The following CD99 variants were observed in gnomAD, a reference collection of about 807,000 sequenced individuals.
CD99 encodes CD99 antigen.
CD99 carries 19 observed loss-of-function variants against 28.4 expected under a neutral mutation model. The ratio of observed to expected loss-of-function variants is 0.67; its 90% CI spans 0.47 to 0.98. The LOEUF (loss-of-function observed/expected upper bound fraction) is 0.98, where lower values mean the gene tolerates loss of function less well. Among genes scored for constraint, CD99 ranks in the 50% least tolerant of loss-of-function variants. The probability of loss-of-function intolerance (pLI) is 0.00; values close to 1 mark genes in which losing one functional copy is unlikely to be tolerated. For synonymous variants in CD99, 103 were observed against 92.1 expected (o/e 1.12, Z -0.67); for missense variants, 283 against 248.8 (o/e 1.14, Z -0.92).
intron 7 of CD99, 135 bp from the exon 8 acceptor site, chrX:2,726,125 G>C: frequency 1.6e-6 from 1 of 624,896 alleles, no homozygotes; most frequent in Non-Finnish European, 2.9e-6. Context: ...TTTGCAAATC[G>C]GTCAGCTCAG....
At chrX:2,730,929 CAAAA>C (rs4034603) in intron 8 of CD99, among the ~76,000 whole-genome samples, 3 of 106,194 alleles carry the variant, frequency 2.8e-5, no homozygotes, top group South Asian at 3.1e-4. Flanking sequence ...GACTCTGTCT[CAAAA>C]AAAAAAAAAA....
At chrX:2,700,505 C>T (rs1008338116) in intron 1 of CD99, among the ~76,000 whole-genome samples, 10 of 151,794 alleles carry the variant, frequency 6.6e-5, no homozygotes, top group Admixed American at 2.0e-4. Flanking sequence ...TTCATTTACC[C>T]ATCCATCCAT....
chrX:2,713,157 C>T (rs1300565563), intron 1 of CD99, among the ~76,000 whole-genome samples: 16 of 151,818 alleles, frequency 1.1e-4, no homozygotes, highest in Non-Finnish European at 1.0e-4. Context: ...CATATACATG[C>T]ACCTACACAC....
intron 1 of CD99, among the ~76,000 whole-genome samples, chrX:2,692,510 C>T (rs926802278): frequency 1.3e-5 from 2 of 152,186 alleles, no homozygotes; most frequent in African/African-American, 2.4e-5. Flanking sequence ...GATTTACACC[C>T]TCTTTAAAGG....
chrX:2,693,206 G>A (rs1240454065), intron 1 of CD99, among the ~76,000 whole-genome samples: 3 of 151,750 alleles, frequency 2.0e-5, no homozygotes, highest in Admixed American at 6.6e-5. Context: ...GTAGTGGCAC[G>A]ATGTCGGCTC....
chrX:2,699,754 G>A (rs990674662), intron 1 of CD99, among the ~76,000 whole-genome samples: 26 of 152,108 alleles, frequency 1.7e-4, no homozygotes, highest in African/African-American at 5.3e-4. Context: ...ACTGCATCCC[G>A]CTATTAGGAA....
chrX:2,707,350 A>AAAAGG (rs1358838839), intron 1 of CD99, among the ~76,000 whole-genome samples: 1 of 137,478 alleles, frequency 7.3e-6, no homozygotes, highest in Non-Finnish European at 1.7e-5. Flanking sequence ...AAAAGAAAAG[A>AAAAGG]AAAAAACAGC....
At chrX:2,700,840 CCTAT>C (rs1242347198) in intron 1 of CD99, among the ~76,000 whole-genome samples, 1 of 151,516 alleles carries the variant, frequency 6.6e-6, no homozygotes, top group Non-Finnish European at 1.5e-5. Context: ...CATCCATCCA[CCTAT>C]CTGTTCATCC....
chrX:2,737,560 T>A (rs1443696900), intron 8 of CD99, among the ~76,000 whole-genome samples: 7 of 151,088 alleles, frequency 4.6e-5, no homozygotes, highest in African/African-American at 7.3e-5. Context: ...AATAGTGTGA[T>A]CTCGGCTCAC....
intron 2 of CD99, chrX:2,715,298 G>T: frequency 6.6e-6 from 1 of 152,366 alleles, no homozygotes; most frequent in Non-Finnish European, 1.5e-5. Context: ...TTAAACCACA[G>T]GGATTTATCA....
At chrX:2,709,663 T>C (rs311059) in intron 1 of CD99, among the ~76,000 whole-genome samples, 95,313 of 152,154 alleles carry the variant, frequency 0.63, 30,859 homozygotes, top group Non-Finnish European at 0.72. Context: ...AATACACATG[T>C]ACACATGAGC....
At chrX:2,723,181 C>G (rs771803315) in intron 6 of CD99, 133 bp from the exon 7 acceptor site, 24 of 903,920 alleles carry the variant, frequency 2.7e-5, no homozygotes, top group African/African-American at 2.1e-4. Flanking sequence ...AGGCAGGACC[C>G]CAGCTCTGTA....
rs1308117922 is a variant in CD99 at position 2,714,620 on chromosome X, C to T, written c.100+166C>T. 3.1e-5 allele frequency: 18 copies of T among 576,416 alleles called. No individual in the cohort carries two copies. In the Middle Eastern group the frequency reaches 8.5e-4, roughly 27 times the overall value. The allele number at this position is 576,416 out of a possible 1,614,324, so 35.7% of individuals were successfully genotyped here. On this transcript the variant is annotated intron_variant, in intron 2 of 9. Transcript: ENST00000381192. ...ATATAAATGTTATGTTTACTCTCAA[C>T]TGTAGTCTATTAAGTATGCAATAGC...
chrX:2,721,569 T>G (rs1031069308), intron 5 of CD99, among the ~76,000 whole-genome samples: 10 of 152,164 alleles, frequency 6.6e-5, no homozygotes, highest in Admixed American at 2.0e-4. Flanking sequence ...TCTCTGAGAT[T>G]ACAGGCACGA....
chrX:2,741,039 G>C lies in CD99; in HGVS notation c.*235G>C, dbSNP rs376690610. 2.7e-5 allele frequency: 15 copies of C among 563,790 alleles called. No individual in the cohort carries two copies. Among genetic ancestry groups the C allele is most frequent in the African/African-American group, 1.3e-4 (7 of 52,806 alleles). 34.9% of individuals were successfully genotyped at this position (563,790 alleles called of 1,614,324 possible). ...CTTGGACCCCCATTCTCCAAGGCCC[G>C]GGGGGGCGGTTTCCCATGGGATGTG... On this transcript the variant is annotated 3_prime_UTR_variant, in exon 10 of 10. Coordinates refer to ENST00000381192, the MANE Select transcript of CD99 (RefSeq NM_002414.5).
At chrX:2,698,307 C>G (rs1159630782) in intron 1 of CD99, among the ~76,000 whole-genome samples, 2 of 151,798 alleles carry the variant, frequency 1.3e-5, no homozygotes, top group Admixed American at 1.3e-4. Context: ...GGAGCTGGGA[C>G]CACAGGCATG....
intron 8 of CD99, among the ~76,000 whole-genome samples, chrX:2,731,569 C>T (rs1165409059): frequency 6.6e-6 from 1 of 152,012 alleles, no homozygotes; most frequent in Non-Finnish European, 1.5e-5. Context: ...AGCCTGGGGA[C>T]AAGAGCGAGA....
At chrX:2,701,132 C>T (rs1447187018) in intron 1 of CD99, among the ~76,000 whole-genome samples, 21 of 151,944 alleles carry the variant, frequency 1.4e-4, no homozygotes, top group Non-Finnish European at 2.4e-4. Flanking sequence ...CCACTCATCC[C>T]ATCCAACTAC....
intron 1 of CD99, chrX:2,691,934 A>G (rs1001595607): frequency 2.6e-6 from 2 of 779,006 alleles, no homozygotes; most frequent in Admixed American, 1.7e-5. Context: ...AAAGTTAGAA[A>G]AAAACTTTGA....
Sources: allele counts gnomAD v4.1 joint callset (sites outside exome capture counted in the v4.1 genomes callset), GRCh38; gene constraint gnomAD v4.1.1; transcripts MANE v1.5; gene names NCBI Gene and HGNC (gene_info 2026-07-23, HGNC 2026-07-21).